Variants in SERGEF observed in about 807,000 individuals in gnomAD.
SERGEF encodes secretion regulating guanine nucleotide exchange factor, also known as secretion-regulating guanine nucleotide exchange factor.
A neutral mutation model predicts 50.0 loss-of-function variants in SERGEF; 51 were observed. The ratio of observed to expected loss-of-function variants is 1.02; its 90% CI spans 0.81 to 1.29. The LOEUF (loss-of-function observed/expected upper bound fraction) is 1.29, where lower values mean the gene tolerates loss of function less well. Ranked by LOEUF, SERGEF falls within the 50% of genes most tolerant of loss-of-function variation. The probability of loss-of-function intolerance (pLI) is 0.00; values close to 1 mark genes in which losing one functional copy is unlikely to be tolerated. For missense variants in SERGEF, 521 were observed against 557.0 expected (o/e 0.94, Z 0.65); for synonymous variants, 205 against 212.4 (o/e 0.97, Z 0.30).
chr11:17,996,537 C>G (rs183982669), intron 5 of SERGEF, among the ~76,000 whole-genome samples: 29 of 152,260 alleles, frequency 1.9e-4, no homozygotes, highest in African/African-American at 6.7e-4. Flanking sequence ...CCCACTGAAT[C>G]TAATTCATGT....
At chr11:17,793,076 C>A (rs937561610) in intron 10 of SERGEF, among the ~76,000 whole-genome samples, 1 of 152,160 alleles carries the variant, frequency 6.6e-6, no homozygotes, top group Non-Finnish European at 1.5e-5. Context: ...GTACGTAGGT[C>A]CCCACTGACT....
At chr11:17,882,430 A>AG (rs1238473622) in intron 9 of SERGEF, among the ~76,000 whole-genome samples, 2 of 151,346 alleles carry the variant, frequency 1.3e-5, no homozygotes, top group African/African-American at 2.4e-5. Context: ...AAAAAAAAAA[A>AG]AAAAAAGAAA....
intron 7 of SERGEF, 46 bp from the exon 8 acceptor site, chr11:17,988,801 C>T (rs1321226310): frequency 4.5e-6 from 7 of 1,558,132 alleles, no homozygotes; most frequent in Non-Finnish European, 8.8e-7. Context: ...GAACATTAGT[C>T]CAAAATGATG....
At chr11:17,879,830 A>T (rs1200900748) in intron 9 of SERGEF, among the ~76,000 whole-genome samples, 1 of 152,230 alleles carries the variant, frequency 6.6e-6, no homozygotes, top group East Asian at 1.9e-4. Flanking sequence ...TATTGTATAC[A>T]GTAAACATAT....
intron 10 of SERGEF, among the ~76,000 whole-genome samples, chr11:17,859,249 G>T (rs1017784908): frequency 2.6e-5 from 4 of 152,134 alleles, no homozygotes; most frequent in African/African-American, 9.7e-5. Context: ...ATAGAAAAAT[G>T]ATAGATGATA....
chr11:17,939,011 TAATA>T (rs911402570), intron 9 of SERGEF, among the ~76,000 whole-genome samples: 5 of 152,240 alleles, frequency 3.3e-5, no homozygotes, highest in African/African-American at 9.6e-5. Context: ...ATAATAAATG[TAATA>T]AATTCTGAAT....
At chr11:17,932,515 T>C (rs1461861564) in intron 9 of SERGEF, among the ~76,000 whole-genome samples, 1 of 152,068 alleles carries the variant, frequency 6.6e-6, no homozygotes, top group East Asian at 1.9e-4. Flanking sequence ...TGTGTGCACA[T>C]ATGAGAAAGA....
At chr11:17,825,445 G>A (rs1390534317) in intron 10 of SERGEF, among the ~76,000 whole-genome samples, 1 of 152,158 alleles carries the variant, frequency 6.6e-6, no homozygotes, top group Non-Finnish European at 1.5e-5. Flanking sequence ...CTTGTTTTCT[G>A]AAAGGAAAAT....
intron 10 of SERGEF, among the ~76,000 whole-genome samples, chr11:17,842,932 C>T (rs538960452): frequency 2.4e-4 from 36 of 152,340 alleles, no homozygotes; most frequent in East Asian, 5.8e-4. Flanking sequence ...ACGAAACCAA[C>T]GCACAGATTT....
chr11:17,988,881 T>C (rs111511855), intron 7 of SERGEF, 126 bp from the exon 8 acceptor site: 2 of 872,916 alleles, frequency 2.3e-6, no homozygotes, highest in African/African-American at 1.7e-5. Flanking sequence ...CAAGGTTGAG[T>C]GGAGCCAAGC....
At chr11:17,822,745 T>C (rs1331010847) in intron 10 of SERGEF, among the ~76,000 whole-genome samples, 1 of 152,188 alleles carries the variant, frequency 6.6e-6, no homozygotes, top group African/African-American at 2.4e-5. Flanking sequence ...GTCACCCCCA[T>C]TTTACATCGA....
At chr11:17,797,496 T>G (rs1484414055) in intron 10 of SERGEF, among the ~76,000 whole-genome samples, 1 of 152,216 alleles carries the variant, frequency 6.6e-6, no homozygotes, top group Admixed American at 6.5e-5. Flanking sequence ...TTGAGAGGCC[T>G]TCCCTGACAA....
chr11:17,920,265 A>C (rs1240388897), intron 9 of SERGEF, among the ~76,000 whole-genome samples: 3 of 152,170 alleles, frequency 2.0e-5, no homozygotes, highest in African/African-American at 7.2e-5. Flanking sequence ...ACAAACAAAC[A>C]AAACAGCAAC....
At chr11:17,849,960 C>A (rs1192472807) in intron 10 of SERGEF, among the ~76,000 whole-genome samples, 1 of 152,060 alleles carries the variant, frequency 6.6e-6, no homozygotes, top group African/African-American at 2.4e-5. Context: ...TTTTCTGTTG[C>A]TATAACCGAA....
At chr11:17,915,738 G>A (rs1221665823) in intron 9 of SERGEF, among the ~76,000 whole-genome samples, 4 of 152,192 alleles carry the variant, frequency 2.6e-5, no homozygotes, top group Admixed American at 1.3e-4. Flanking sequence ...AAGGCATGCA[G>A]ACAGGATCTC....
intron 10 of SERGEF, among the ~76,000 whole-genome samples, chr11:17,868,694 A>C (rs1485981384): frequency 6.6e-6 from 1 of 152,200 alleles, no homozygotes; most frequent in Middle Eastern, 3.2e-3. Flanking sequence ...TTACGAAATA[A>C]AGAGATTTAA....
At chr11:17,810,731 T>C (rs918674781) in intron 10 of SERGEF, among the ~76,000 whole-genome samples, 3 of 151,646 alleles carry the variant, frequency 2.0e-5, no homozygotes, top group Non-Finnish European at 4.4e-5. Flanking sequence ...CACAGGTGGC[T>C]CAGGAAATAG....
chr11:17,942,322 C>A (rs975368063), intron 9 of SERGEF, among the ~76,000 whole-genome samples: 2 of 152,026 alleles, frequency 1.3e-5, no homozygotes, highest in African/African-American at 2.4e-5. Flanking sequence ...AAGTCTTGCA[C>A]GTTTTTGTTA....
chr11:18,012,024 C>G (rs1042954989), intron 1 of SERGEF, among the ~76,000 whole-genome samples: 2 of 152,106 alleles, frequency 1.3e-5, no homozygotes, highest in African/African-American at 2.4e-5. Context: ...GTCCTTCACT[C>G]GTGTATTTCA....
Sources: gnomAD v4.1 joint callset for allele counts (sites outside exome capture counted in the v4.1 genomes callset) on GRCh38, gnomAD v4.1.1 for gene constraint, MANE v1.5 for transcripts, NCBI Gene and HGNC (gene_info 2026-07-23, HGNC 2026-07-21) for gene names.